Variants in TLL1 observed in about 807,000 individuals in gnomAD.
The protein encoded by TLL1 is tolloid-like protein 1.
Under a neutral mutation model 128.2 loss-of-function variants are expected in TLL1, and 49 were observed. The observed-to-expected ratio is 0.38, with a 90% confidence interval of 0.30 to 0.48. The LOEUF (loss-of-function observed/expected upper bound fraction) is 0.48. Among genes scored for constraint, TLL1 ranks in the 20% least tolerant of loss-of-function variants. The probability of loss-of-function intolerance (pLI) is 0.96; values close to 1 mark genes in which losing one functional copy is unlikely to be tolerated. For synonymous variants in TLL1, 454 were observed against 418.8 expected, an observed-to-expected ratio of 1.08 and a Z score of -1.03; for missense variants, 1,123 against 1,242.0, an observed-to-expected ratio of 0.90 and a Z score of 1.44.
chr4:166,089,828 C>CT lies in TLL1; in HGVS notation c.2443-1293dup, dbSNP rs112001672. ...TGGAAAGAGACAAAAGAGAGATCAG[C>CT]TTTTTTTCCCCCTTTTCTTTCTTCC... On this transcript the variant is annotated intron_variant, in intron 18 of 20. Transcript: ENST00000061240. 8.2e-3 allele frequency among the ~76,000 whole-genome samples: 1,241 copies of CT among 152,116 alleles called. 17 individuals are homozygous for CT. The highest frequency in any genetic ancestry group is 0.028 in the African/African-American group (1,163 of 41,526).
intron 1 of TLL1, among the ~76,000 whole-genome samples, chr4:165,947,401 T>A (rs1039425243): frequency 6.6e-6 from 1 of 151,970 alleles, no homozygotes; most frequent in Non-Finnish European, 1.5e-5. Flanking sequence ...AAATATTCAG[T>A]CCGTAACACC....
At chr4:166,047,204 G>A (rs978116402) in intron 12 of TLL1, among the ~76,000 whole-genome samples, 4 of 150,042 alleles carry the variant, frequency 2.7e-5, no homozygotes, top group Non-Finnish European at 3.0e-5. Context: ...GCTCTGTTTC[G>A]CCCAGACTGC....
Position 165,989,486 on chromosome 4 carries a change from C to G in TLL1, c.275C>G (p.Thr92Ser). Residue 92 changes from threonine to serine, a missense_variant, in exon 2 of 21, where the codon ACC becomes AGC. Transcript: ENST00000061240. ...TQNPFGNLGH[T>S]TGGLGDHAMS... is the part of the protein sequence containing the mutation. ...AACCCCTTTGGAAACCTTGGACATA[C>G]CACAGGTATGGTTGATTGTTTCAGA... 6.2e-7 allele frequency: 1 copy of G among 1,605,160 alleles called. No homozygotes were observed. Among genetic ancestry groups the G allele is most frequent in the Non-Finnish European group, 8.5e-7 (1 of 1,172,494 alleles).
At chr4:165,892,646 A>T (rs1731479870) in intron 1 of TLL1, among the ~76,000 whole-genome samples, 1 of 152,208 alleles carries the variant, frequency 6.6e-6, no homozygotes. Context: ...TCTGAAAATC[A>T]GGAAAGTGAA....
chr4:165,874,124 G>A lies in TLL1; in HGVS notation c.169+51G>A, dbSNP rs150966973. On this transcript the variant is annotated intron_variant, in intron 1 of 20. Coordinates refer to ENST00000061240, the MANE Select transcript of TLL1 (RefSeq NM_012464.5). ...GTGGCGCGCCGGGGGCCGCTGCGCTGGGTTTCCCATGGGTGGCGGTGGGAG... is the reference window on the plus strand; with the variant it reads ...GTGGCGCGCCGGGGGCCGCTGCGCTAGGTTTCCCATGGGTGGCGGTGGGAG... The A allele has an allele frequency of 1.9e-4, 307 of 1,610,754 alleles. 1 individual carries two copies. Among genetic ancestry groups the A allele is most frequent in the Non-Finnish European group, 2.2e-4 (256 of 1,177,844 alleles).
At chr4:165,907,328 A>G (rs1031365791) in intron 1 of TLL1, among the ~76,000 whole-genome samples, 2 of 152,262 alleles carry the variant, frequency 1.3e-5, no homozygotes, top group East Asian at 1.9e-4. Flanking sequence ...ATCATGATAC[A>G]TTGAATCCAA....
At chr4:165,884,740 G>A (rs988356670) in intron 1 of TLL1, among the ~76,000 whole-genome samples, 1 of 152,200 alleles carries the variant, frequency 6.6e-6, no homozygotes, top group African/African-American at 2.4e-5. Context: ...GGAGGCTGAT[G>A]CAGGAGAATT....
chr4:165,954,699 C>T (rs1029350767), intron 1 of TLL1, among the ~76,000 whole-genome samples: 2 of 152,070 alleles, frequency 1.3e-5, no homozygotes, highest in African/African-American at 4.8e-5. Flanking sequence ...CATAGAGAGC[C>T]TTGGCACTCT....
intron 1 of TLL1, among the ~76,000 whole-genome samples, chr4:165,951,476 A>G (rs1220004833): frequency 6.6e-6 from 1 of 152,170 alleles, no homozygotes; most frequent in Non-Finnish European, 1.5e-5. Context: ...GCCAGTTATT[A>G]TCTTCATTTA....
At chr4:165,903,081 G>A (rs1732075732) in intron 1 of TLL1, among the ~76,000 whole-genome samples, 1 of 152,162 alleles carries the variant, frequency 6.6e-6, no homozygotes, top group South Asian at 2.1e-4. Flanking sequence ...GCTCACACCT[G>A]TAATCCCAGC....
chr4:165,970,272 C>T (rs1735575017), intron 1 of TLL1, among the ~76,000 whole-genome samples: 1 of 152,046 alleles, frequency 6.6e-6, no homozygotes, highest in Admixed American at 6.6e-5. Context: ...GTAAACATTG[C>T]TGTTTTCTTG....
intron 1 of TLL1, among the ~76,000 whole-genome samples, chr4:165,913,318 AT>A (rs1732626143): frequency 6.6e-6 from 1 of 152,134 alleles, no homozygotes; most frequent in African/African-American, 2.4e-5. Context: ...ATGTTGTCTG[AT>A]TTTATTGTGA....
At chr4:165,953,608 G>A (rs1323042160) in intron 1 of TLL1, among the ~76,000 whole-genome samples, 4 of 136,682 alleles carry the variant, frequency 2.9e-5, no homozygotes, top group African/African-American at 5.7e-5. Flanking sequence ...CTTCGAGATA[G>A]GTCATCTATT....
intron 10 of TLL1, 55 bp from the exon 11 acceptor site, chr4:166,041,972 C>A: frequency 3.3e-6 from 4 of 1,223,922 alleles, no homozygotes; most frequent in Middle Eastern, 1.9e-4. Context: ...ACAAAAAGAA[C>A]GTAGAATATA....
intron 1 of TLL1, among the ~76,000 whole-genome samples, chr4:165,965,935 C>G (rs1294553173): frequency 6.6e-6 from 1 of 152,056 alleles, no homozygotes; most frequent in African/African-American, 2.4e-5. Context: ...AATCCCAGCA[C>G]TTTGGGAGGC....
intron 1 of TLL1, among the ~76,000 whole-genome samples, chr4:165,963,348 A>G (rs1179729374): frequency 6.6e-6 from 1 of 152,128 alleles, no homozygotes; most frequent in African/African-American, 2.4e-5. Context: ...AAAAAAAGAA[A>G]AGAACTGTTG....
Position 166,103,745 on chromosome 4 carries a change from G to A in TLL1, c.*2869G>A, listed in dbSNP as rs972503823. ...TAATAATTGTTACTTACTGCTCCAG[G>A]CATTTTATTAAATTAATTTTTTAAA... is the stretch of plus-strand genomic sequence containing the variant. On this transcript the variant is annotated 3_prime_UTR_variant, in exon 21 of 21. Coordinates refer to ENST00000061240, the MANE Select transcript of TLL1 (RefSeq NM_012464.5). 5.3e-5 allele frequency: 8 copies of A among 150,842 alleles called. No homozygotes were observed. The highest frequency in any genetic ancestry group is 1.5e-4 in the African/African-American group (6 of 41,124). 9.3% of individuals were successfully genotyped at this position (150,842 alleles called of 1,614,324 possible).
intron 1 of TLL1, among the ~76,000 whole-genome samples, chr4:165,947,929 C>G (rs867863823): frequency 1.6e-4 from 24 of 152,138 alleles, no homozygotes; most frequent in African/African-American, 4.3e-4. Flanking sequence ...CGAAATAAGG[C>G]TGTTTGAACC....
At chr4:166,036,171 A>G (rs1200882654) in intron 9 of TLL1, among the ~76,000 whole-genome samples, 1 of 152,116 alleles carries the variant, frequency 6.6e-6, no homozygotes, top group Admixed American at 6.6e-5. Context: ...AAAAAAGTTC[A>G]TTGATTATAT....
Sources: gnomAD v4.1 joint callset for allele counts (sites outside exome capture counted in the v4.1 genomes callset) on GRCh38, gnomAD v4.1.1 for gene constraint, MANE v1.5 for transcripts, NCBI Gene and HGNC (gene_info 2026-07-23, HGNC 2026-07-21) for gene names.